MPP7: variants seen among roughly 807,000 people sequenced by gnomAD.
MPP7 encodes MAGUK p55 subfamily member 7.
A neutral mutation model predicts 76.5 loss-of-function variants in MPP7; 60 were observed. The observed-to-expected ratio is 0.78, with a 90% CI of 0.64 to 0.97. The LOEUF is 0.97. MPP7 is among the 50% of genes least tolerant of loss of function. The pLI is 0.00. For missense variants in MPP7, 641 were observed against 694.0 expected, an observed-to-expected ratio of 0.92 and a Z score of 0.86; for synonymous variants, 237 against 244.5, an observed-to-expected ratio of 0.97 and a Z score of 0.29.
At chr10:28,198,637 A>G (rs1281632673) in intron 3 of MPP7, among the ~76,000 whole-genome samples, 1 of 152,092 alleles carries the variant, frequency 6.6e-6, no homozygotes, top group Non-Finnish European at 1.5e-5. Context: ...TTTTTGTGCC[A>G]TATCTTGTTC....
chr10:28,103,011 A>G (rs1438326920), intron 11 of MPP7, among the ~76,000 whole-genome samples: 1 of 152,162 alleles, frequency 6.6e-6, no homozygotes. Context: ...GACAACCTCA[A>G]TTCCTATCAC....
At chr10:28,287,050 A>T (rs1296214224) in intron 1 of MPP7, among the ~76,000 whole-genome samples, 1 of 152,188 alleles carries the variant, frequency 6.6e-6, no homozygotes, top group Non-Finnish European at 1.5e-5. Flanking sequence ...TGTTTATAGA[A>T]TATCATTTTT....
chr10:28,118,370 A>T, intron 11 of MPP7: 1 of 978,982 alleles, frequency 1.0e-6, no homozygotes, highest in Non-Finnish European at 1.2e-6. Context: ...TAAGTTGCCT[A>T]GGACTGAAAA....
intron 11 of MPP7, among the ~76,000 whole-genome samples, chr10:28,095,373 G>A (rs2133482319): frequency 6.6e-6 from 1 of 152,064 alleles, no homozygotes; most frequent in Non-Finnish European, 1.5e-5. Context: ...ATTTATTTGT[G>A]ATGATTTTTC....
chr10:28,273,565 C>T (rs1438145359), intron 1 of MPP7, among the ~76,000 whole-genome samples: 1 of 152,180 alleles, frequency 6.6e-6, no homozygotes, highest in Admixed American at 6.5e-5. Context: ...CTCTCACATT[C>T]CAGCTTACTC....
chr10:28,327,056 G>A (rs548692268), intron 2 of MPP7, among the ~76,000 whole-genome samples: 2 of 152,128 alleles, frequency 1.3e-5, no homozygotes, highest in East Asian at 3.9e-4. Flanking sequence ...GCATTTACTT[G>A]GGAAAGCAAA....
chr10:28,181,852 G>A (rs917357088), intron 3 of MPP7, among the ~76,000 whole-genome samples: 5 of 152,132 alleles, frequency 3.3e-5, no homozygotes, highest in African/African-American at 9.7e-5. Context: ...AGAGGACCCC[G>A]CTAGAGCCAG....
chr10:28,189,371 T>TA (rs1837332980), intron 3 of MPP7, among the ~76,000 whole-genome samples: 1 of 151,768 alleles, frequency 6.6e-6, no homozygotes. Flanking sequence ...GAGACCAGCC[T>TA]AAGCAACACA....
rs957952547 is a variant in MPP7, at chr10:28,282,749, C to T, written c.-132+20112G>A. On this transcript the variant is annotated intron_variant, in intron 1 of 16. Coordinates refer to ENST00000683449, the MANE Select transcript of MPP7 (RefSeq NM_001318170.2). ...ATCAAATCTTCTCCCTTACACTGTT[C>T]GGATCTGTGTTACTCCTCAGTTCAA... 8.6e-5 allele frequency among the ~76,000 whole-genome samples: 13 copies of T among 151,914 alleles called. 1 individual carries two copies. The highest frequency in any genetic ancestry group is 3.2e-4 in the African/African-American group (13 of 41,254).
In MPP7 at chr10:28,125,068, T is replaced by C. The variant is rs1343172352; in HGVS notation, c.471A>G (p.Glu157=). The change falls in exon 7 of 17, where the codon GAA becomes GAG. Residue 157 remains glutamate (E), a synonymous_variant. Coordinates refer to ENST00000683449, the MANE Select transcript of MPP7 (RefSeq NM_001318170.2). ...TGGCCACAATGATCGCCCCGGTCTG[T>C]TCATCCTTCTTAATGGTAGCTCCCT... is the stretch of plus-strand genomic sequence containing the variant. ...EPLGATIKKD[E]QTGAIIVARI... 6.2e-7 allele frequency: 1 copy of C among 1,614,048 alleles called. No homozygotes were observed. Among genetic ancestry groups the C allele is most frequent in the South Asian group, 1.1e-5 (1 of 91,084 alleles).
intron 2 of MPP7, among the ~76,000 whole-genome samples, chr10:28,209,541 G>A (rs765904706): frequency 2.6e-5 from 4 of 151,654 alleles, no homozygotes; most frequent in South Asian, 2.1e-4. Context: ...CTTTGTTTTC[G>A]ATGTTCTTTC....
chr10:28,321,857 A>T (rs943084991), intron 2 of MPP7, among the ~76,000 whole-genome samples: 1 of 152,120 alleles, frequency 6.6e-6, no homozygotes, highest in Non-Finnish European at 1.5e-5. Flanking sequence ...AAGTGCTGAG[A>T]TTACAGGTAT....
At chr10:28,143,008 G>T (rs1835574319) in intron 5 of MPP7, among the ~76,000 whole-genome samples, 1 of 151,952 alleles carries the variant, frequency 6.6e-6, no homozygotes, top group South Asian at 2.1e-4. Context: ...TATTTAAATA[G>T]CAGAAAAGCA....
intron 11 of MPP7, among the ~76,000 whole-genome samples, chr10:28,114,916 AGT>A (rs1156343636): frequency 5.9e-5 from 9 of 152,236 alleles, no homozygotes; most frequent in African/African-American, 2.4e-5. Context: ...GAGTGTGAGC[AGT>A]AACAGTTAGA....
At chr10:28,223,120 C>T (rs369043275) in intron 2 of MPP7, among the ~76,000 whole-genome samples, 3 of 151,246 alleles carry the variant, frequency 2.0e-5, no homozygotes, top group Admixed American at 6.6e-5. Context: ...GGTGACAGAG[C>T]GAGCCTCTGT....
rs112526301 is a variant in MPP7 at position 28,054,828 on chromosome 10, C to T, written c.1552-584G>A. Among the ~76,000 whole-genome samples, 1,301 of 152,160 alleles carry T rather than the reference C, an allele frequency of 8.6e-3. 21 individuals carry two copies. Among genetic ancestry groups the T allele is most frequent in the African/African-American group, 0.03 (1,248 of 41,518 alleles). ...AGTAGCTGGAATTACAGGAGCGTGC[C>T]GCCACACCTGGCTAATTTTTGTATT... On this transcript the variant is annotated intron_variant, in intron 16 of 16. Transcript: ENST00000683449.
intron 1 of MPP7, among the ~76,000 whole-genome samples, chr10:28,239,861 G>A (rs905372453): frequency 8.6e-5 from 13 of 151,992 alleles, no homozygotes; most frequent in African/African-American, 2.9e-4. Flanking sequence ...AGAGACAATA[G>A]TAAATTAGAA....
At chr10:28,131,730 C>T in intron 5 of MPP7, 39 bp from the exon 6 acceptor site, 13 of 1,193,388 alleles carry the variant, frequency 1.1e-5, no homozygotes, top group Admixed American at 2.2e-5. Flanking sequence ...AGTAAATATA[C>T]ATACTTATAT....
At chr10:28,125,680 T>A (rs867947451) in intron 6 of MPP7, among the ~76,000 whole-genome samples, 1 of 152,314 alleles carries the variant, frequency 6.6e-6, no homozygotes, top group Non-Finnish European at 1.5e-5. Context: ...AAATTAGTTA[T>A]ATTTGTTGCC....
Sources: gnomAD v4.1 joint callset for allele counts (sites outside exome capture counted in the v4.1 genomes callset) on GRCh38, gnomAD v4.1.1 for gene constraint, MANE v1.5 for transcripts, NCBI Gene and HGNC (gene_info 2026-07-23, HGNC 2026-07-21) for gene names.